Variants in FAM210A observed in about 807,000 individuals in gnomAD.
FAM210A encodes the protein mitochondrial inner membrane scaffold 1, also known as family with sequence similarity 210 member A.
FAM210A carries 13 observed loss-of-function variants against 25.3 expected under a neutral mutation model. The ratio of observed to expected loss-of-function variants is 0.51; its 90% CI spans 0.33 to 0.82. FAM210A has a LOEUF of 0.82. Ranked by LOEUF, FAM210A falls within the 40% of genes least tolerant of loss-of-function variation. The pLI, the probability that FAM210A is intolerant of heterozygous loss-of-function variation, is 0.02. For synonymous variants in FAM210A, 125 were observed against 118.7 expected (o/e 1.05, Z -0.35); for missense variants, 319 against 323.2 (o/e 0.99, Z 0.10).
chr18:13,714,992 T>C (rs1015649017), intron 1 of FAM210A: 10 of 152,158 alleles, frequency 6.6e-5, no homozygotes, highest in African/African-American at 1.9e-4. Context: ...TTAGTGAAGA[T>C]ATATTGGTTA....
At chr18:13,699,847 C>T (rs2043724420) in intron 1 of FAM210A, among the ~76,000 whole-genome samples, 1 of 152,176 alleles carries the variant, frequency 6.6e-6, no homozygotes, top group African/African-American at 2.4e-5. Flanking sequence ...TCATCTATGA[C>T]CTGGTCAAAC....
chr18:13,689,490 G>A (rs936332015), intron 1 of FAM210A, among the ~76,000 whole-genome samples: 1 of 152,166 alleles, frequency 6.6e-6, no homozygotes, highest in African/African-American at 2.4e-5. Flanking sequence ...ACTTGGAGGG[G>A]AACTTCTTCA....
intron 2 of FAM210A, among the ~76,000 whole-genome samples, chr18:13,672,798 G>A (rs1270751362): frequency 6.6e-6 from 1 of 152,184 alleles, no homozygotes; most frequent in Non-Finnish European, 1.5e-5. Context: ...AAGAATAAAC[G>A]ACACTATGGG....
intron 1 of FAM210A, among the ~76,000 whole-genome samples, chr18:13,698,960 G>A (rs2149064394): frequency 6.6e-6 from 1 of 152,296 alleles, no homozygotes; most frequent in South Asian, 2.1e-4. Flanking sequence ...CTCTGTGTGT[G>A]TGTCTTTAAC....
chr18:13,688,031 C>A (rs1009468650), intron 1 of FAM210A: 1 of 152,152 alleles, frequency 6.6e-6, no homozygotes, highest in Non-Finnish European at 1.5e-5. Flanking sequence ...AAACAGAAAC[C>A]GGCTCTCCAA....
intron 1 of FAM210A, among the ~76,000 whole-genome samples, chr18:13,724,236 T>G (rs1182706079): frequency 6.6e-6 from 1 of 152,144 alleles, no homozygotes; most frequent in Non-Finnish European, 1.5e-5. Flanking sequence ...TTCTGAAAAA[T>G]CTACTATTTG....
At chr18:13,703,160 A>C (rs142995601) in intron 1 of FAM210A, among the ~76,000 whole-genome samples, 2 of 152,346 alleles carry the variant, frequency 1.3e-5, no homozygotes, top group East Asian at 1.9e-4. Context: ...TGCAATATCT[A>C]ACATTTTTTA....
At chr18:13,671,535 T>G (rs1190924522) in intron 3 of FAM210A, among the ~76,000 whole-genome samples, 2 of 151,916 alleles carry the variant, frequency 1.3e-5, no homozygotes, top group African/African-American at 4.8e-5. Context: ...TAAAACCACA[T>G]TTTTACTTCC....
At chr18:13,692,272 G>C (rs1486001017) in intron 1 of FAM210A, among the ~76,000 whole-genome samples, 13 of 152,010 alleles carry the variant, frequency 8.6e-5, no homozygotes, top group Non-Finnish European at 1.8e-4. Flanking sequence ...GACCTACAAA[G>C]AGACTTAGAC....
intron 2 of FAM210A, among the ~76,000 whole-genome samples, chr18:13,677,551 T>A (rs535807871): frequency 6.6e-6 from 1 of 152,330 alleles, no homozygotes; most frequent in East Asian, 1.9e-4. Flanking sequence ...ACAATGTCTG[T>A]AATTTACAGA....
chr18:13,725,024 G>C (rs1286962555), intron 1 of FAM210A, among the ~76,000 whole-genome samples: 2 of 152,070 alleles, frequency 1.3e-5, no homozygotes, highest in Non-Finnish European at 2.9e-5. Flanking sequence ...CAACCGCCTC[G>C]GCCTCCCAAC....
intron 1 of FAM210A, among the ~76,000 whole-genome samples, chr18:13,707,946 T>G (rs1346022518): frequency 6.6e-6 from 1 of 151,858 alleles, no homozygotes; most frequent in African/African-American, 2.4e-5. Flanking sequence ...TGCGCAGGAG[T>G]CTCTCTGAAT....
At chr18:13,702,211 C>G (rs189613043) in intron 1 of FAM210A, among the ~76,000 whole-genome samples, 2 of 152,330 alleles carry the variant, frequency 1.3e-5, no homozygotes, top group Admixed American at 6.5e-5. Flanking sequence ...TTCTACCTCT[C>G]TCTCCCTGTG....
chr18:13,672,280 A>C (rs2043449490), intron 2 of FAM210A, among the ~76,000 whole-genome samples: 1 of 152,228 alleles, frequency 6.6e-6, no homozygotes, highest in Admixed American at 6.5e-5. Context: ...GCTTTAAATA[A>C]ACTATGAGAA....
chr18:13,682,481 T>C (rs980748169), intron 1 of FAM210A, among the ~76,000 whole-genome samples: 11 of 151,892 alleles, frequency 7.2e-5, no homozygotes, highest in Non-Finnish European at 1.2e-4. Context: ...GGCAGAAGAA[T>C]CACTTAAACC....
chr18:13,692,055 A>G (rs916742978), intron 1 of FAM210A, among the ~76,000 whole-genome samples: 1 of 115,522 alleles, frequency 8.7e-6, no homozygotes, highest in East Asian at 2.5e-4. Context: ...GGGATGGAGG[A>G]AGATATACTA....
chr18:13,663,641 C>T lies in FAM210A; in HGVS notation c.*2839G>A, dbSNP rs533064326. ...TAGCTCCCTCCCCACCCGGTCAACA[C>T]ACCTCGCATAAATGCAGACATGCCT... On this transcript the variant is annotated 3_prime_UTR_variant, in exon 4 of 4. Transcript: ENST00000651643. The T allele has an allele frequency of 5.9e-5, 9 of 152,246 alleles. No individual in the cohort carries two copies. Among genetic ancestry groups the T allele is most frequent in the African/African-American group, 1.9e-4 (8 of 41,530 alleles). The allele number at this position is 152,246 out of a possible 1,614,324, so 9.4% of individuals were successfully genotyped here. A position where few individuals can be genotyped will look rare whatever the true frequency, so the allele number is the denominator to read the frequency against.
At chr18:13,679,742 T>C (rs1025162668) in intron 2 of FAM210A, among the ~76,000 whole-genome samples, 2 of 152,190 alleles carry the variant, frequency 1.3e-5, no homozygotes, top group Admixed American at 1.3e-4. Context: ...TGTATCACCA[T>C]GTTTACATAT....
intron 1 of FAM210A, among the ~76,000 whole-genome samples, chr18:13,716,130 G>A (rs2043860093): frequency 6.6e-6 from 1 of 152,272 alleles, no homozygotes. Flanking sequence ...GATGGCTACT[G>A]TATTAGACAA....
Sources: allele counts gnomAD v4.1 joint callset (sites outside exome capture counted in the v4.1 genomes callset), GRCh38; gene constraint gnomAD v4.1.1; transcripts MANE v1.5; gene names NCBI Gene and HGNC (gene_info 2026-07-23, HGNC 2026-07-21).